COPS9: variants seen among roughly 807,000 people sequenced by gnomAD.
COPS9 encodes the protein COP9 signalosome subunit 9.
In COPS9, 8 loss-of-function variants were observed where a neutral mutation model predicts 7.2. That is an observed-to-expected ratio of 1.11 (90% confidence interval 0.65 to 2.00). The LOEUF (loss-of-function observed/expected upper bound fraction) is 2.00. COPS9 is among the 30% of genes most tolerant of loss of function. The probability of loss-of-function intolerance (pLI) is 0.00; values close to 1 mark genes in which losing one functional copy is unlikely to be tolerated. For missense variants in COPS9, 74 were observed against 77.7 expected, an observed-to-expected ratio of 0.95 and a Z score of 0.18; for synonymous variants, 39 against 28.7, an observed-to-expected ratio of 1.36 and a Z score of -1.14.
Position 240,130,836 on chromosome 2 carries a change from C to T in COPS9, c.*215G>A, listed in dbSNP as rs2071914617. 1.4e-6 allele frequency: 2 copies of T among 1,402,464 alleles called. No individual in the cohort carries two copies. Among genetic ancestry groups the T allele is most frequent in the Non-Finnish European group, 1.8e-6 (2 of 1,083,204 alleles). 86.9% of individuals were successfully genotyped at this position (1,402,464 alleles called of 1,614,324 possible). Reference sequence around the variant, plus strand: ...AGAGATCACTCCACATGTGACATTGCTTTCTTTTAATTGGAGTGAGGACAA... The same window carrying T: ...AGAGATCACTCCACATGTGACATTGTTTTCTTTTAATTGGAGTGAGGACAA... On this transcript the variant is annotated 3_prime_UTR_variant, in exon 3 of 3. Coordinates refer to ENST00000607357, the MANE Select transcript of COPS9 (RefSeq NM_001163424.2).
downstream of COPS9, among the ~76,000 whole-genome samples, chr2:240,130,255 G>C (rs2071908228): frequency 6.6e-6 from 1 of 152,214 alleles, no homozygotes; most frequent in Non-Finnish European, 1.5e-5. Flanking sequence ...TCTGAAAATG[G>C]GAACTGCTGA....
Position 240,130,892 on chromosome 2 carries a change from C to A in COPS9, c.*159G>T. 1 of 1,447,222 alleles carries A rather than the reference C, an allele frequency of 6.9e-7. No individual in the cohort carries two copies. The allele number at this position is 1,447,222 out of a possible 1,614,324, so 89.6% of individuals were successfully genotyped here. A position where few individuals can be genotyped will look rare whatever the true frequency, so the allele number is the denominator to read the frequency against. ...GATCCCGTTCAGAGATGAACAGAAT[C>A]ATCTAGGTCGTTAAGAACAGTCTTA... On this transcript the variant is annotated 3_prime_UTR_variant, in exon 3 of 3. Transcript: ENST00000607357.
At chr2:240,135,835 C>G (rs568761602) in intron 1 of COPS9, 81 of 242,534 alleles carry the variant, frequency 3.3e-4, no homozygotes, top group African/African-American at 1.8e-3. Context: ...TCCCCTAACA[C>G]GAGCTCAAAT....
downstream of COPS9, chr2:240,129,835 C>T (rs73109502): frequency 2.0e-3 from 2,674 of 1,331,368 alleles, 32 homozygotes; most frequent in African/African-American, 0.033. Context: ...AGATAAGCCA[C>T]GTGGGTCTCA....
intron 2 of COPS9, among the ~76,000 whole-genome samples, chr2:240,131,695 C>G (rs1007890945): frequency 1.3e-5 from 2 of 152,230 alleles, no homozygotes; most frequent in Non-Finnish European, 2.9e-5. Flanking sequence ...TCAGGCCCCC[C>G]AGGAAAGATT....
rs900702832 is a variant in COPS9, at chr2:240,133,866, T to A, written c.136+67A>T. On this transcript the variant is annotated intron_variant, in intron 2 of 2. Transcript: ENST00000607357. ...CAAATTATTCATGTCACCAAGTTGCTTCACTGCCTTCACCTAGAGAAGAAA... is the reference window on the plus strand; with the variant it reads ...CAAATTATTCATGTCACCAAGTTGCATCACTGCCTTCACCTAGAGAAGAAA... 8 of 1,511,698 alleles carry A rather than the reference T, an allele frequency of 5.3e-6. 1 individual carries two copies. The South Asian group carries it at 9.0e-5, about 17-fold the overall frequency. 93.6% of individuals were successfully genotyped at this position (1,511,698 alleles called of 1,614,324 possible). A position where few individuals can be genotyped will look rare whatever the true frequency, so the allele number is the denominator to read the frequency against.
chr2:240,128,033 C>G (rs766923264), downstream of COPS9, among the ~76,000 whole-genome samples: 5 of 152,194 alleles, frequency 3.3e-5, no homozygotes, highest in Non-Finnish European at 5.9e-5. Context: ...ATTATTCACA[C>G]AAAACCTGCG....
In COPS9 at chr2:240,132,382, C is replaced by T. The variant is rs2071931912; in HGVS notation, c.137-1294G>A. On this transcript the variant is annotated intron_variant, in intron 2 of 2. Transcript: ENST00000607357. The surrounding 1 kb of genome is among the most constrained non-coding windows in gnomAD (Gnocchi z 4.1). Reference sequence around the variant, plus strand: ...AGAGGTCTCTCAAAGTAAATGGCTTCTTGAACACATGGGGTTGTCACAACC... The same window carrying T: ...AGAGGTCTCTCAAAGTAAATGGCTTTTTGAACACATGGGGTTGTCACAACC... Among the ~76,000 whole-genome samples the T allele has an allele frequency of 6.6e-6, 1 of 152,204 alleles. No individual in the cohort carries two copies. Among genetic ancestry groups the T allele is most frequent in the South Asian group, 2.1e-4 (1 of 4,828 alleles).
chr2:240,129,878 G>A, downstream of COPS9: 2 of 1,591,110 alleles, frequency 1.3e-6, no homozygotes, highest in Non-Finnish European at 1.7e-6. Flanking sequence ...GTGCGGCCCA[G>A]TGCAGACCTT....
downstream of COPS9, among the ~76,000 whole-genome samples, chr2:240,129,613 G>T (rs1574946056): frequency 2.0e-5 from 3 of 152,320 alleles, no homozygotes; most frequent in South Asian, 6.2e-4. Flanking sequence ...AAGGGGAACT[G>T]CAGGGTAACC....
At chr2:240,133,610 G>A (rs754598553) in intron 2 of COPS9, among the ~76,000 whole-genome samples, 4 of 152,238 alleles carry the variant, frequency 2.6e-5, no homozygotes, top group Non-Finnish European at 5.9e-5. Context: ...TCCTATGGCC[G>A]TGTGTGGGGT....
chr2:240,127,032 C>A, downstream of COPS9: 1 of 1,467,526 alleles, frequency 6.8e-7, no homozygotes, highest in Non-Finnish European at 9.2e-7. Context: ...GTCATTCTGT[C>A]CAGTGAGAAG....
intron 1 of COPS9, among the ~76,000 whole-genome samples, chr2:240,135,652 AAAG>A (rs1301163051): frequency 6.6e-6 from 1 of 152,216 alleles, no homozygotes; most frequent in African/African-American, 2.4e-5. Context: ...GTATAATTAA[AAAG>A]AAGAACGAGG....
intron 2 of COPS9, among the ~76,000 whole-genome samples, chr2:240,131,859 T>TTCAACTCCTGGAGGG (rs1255975761): frequency 2.0e-5 from 3 of 151,828 alleles, no homozygotes; most frequent in African/African-American, 7.3e-5. Context: ...AAAGAGGAGG[T>TTCAACTCCTGGAGGG]TCAACTCCTG....
chr2:240,134,502 A>T (rs1349538470), intron 1 of COPS9, among the ~76,000 whole-genome samples: 1 of 152,132 alleles, frequency 6.6e-6, no homozygotes, highest in Non-Finnish European at 1.5e-5. Flanking sequence ...ACGGCAGTGG[A>T]AAAACCATGT....
chr2:240,129,823 G>T, downstream of COPS9: 1 of 1,182,398 alleles, frequency 8.5e-7, no homozygotes, highest in Non-Finnish European at 1.2e-6. Context: ...CTCCTCGCCT[G>T]CAGATAAGCC....
At position 240,134,064 on chromosome 2, in the gene COPS9, G is replaced by C. The variant is rs1025485824; in HGVS notation, c.64-59C>G. On this transcript the variant is annotated intron_variant, in intron 1 of 2. Transcript: ENST00000607357. ...CGTTTTCCGAAAGAACAGGTGATAA[G>C]TGCATTGCAGGGCCACTACCCCCAC... 2.0e-6 allele frequency: 3 copies of C among 1,509,036 alleles called. No homozygotes were observed. In the Admixed American group the frequency reaches 5.1e-5, roughly 25 times the overall value. 93.5% of individuals were successfully genotyped at this position (1,509,036 alleles called of 1,614,324 possible). A position where few individuals can be genotyped will look rare whatever the true frequency, so the allele number is the denominator to read the frequency against.
chr2:240,136,105 C>T, intron 1 of COPS9, 117 bp downstream of exon 1: 1 of 1,309,322 alleles, frequency 7.6e-7, no homozygotes, highest in Non-Finnish European at 9.8e-7. Flanking sequence ...CTGGGAGCCG[C>T]GCCCATCGCC....
At chr2:240,130,479 C>T (rs1343531246), downstream of COPS9, among the ~76,000 whole-genome samples, 1 of 152,224 alleles carries the variant, frequency 6.6e-6, no homozygotes, top group East Asian at 1.9e-4. Flanking sequence ...CGCATCCTGT[C>T]GTCCTAGTTC....
Sources: gnomAD v4.1 joint callset for allele counts (sites outside exome capture counted in the v4.1 genomes callset) on GRCh38, gnomAD v4.1.1 for gene constraint, Gnocchi (gnomAD v3.1) non-coding constraint, MANE v1.5 for transcripts, NCBI Gene and HGNC (gene_info 2026-07-23, HGNC 2026-07-21) for gene names.